The following VPS29 variants were observed in gnomAD, a reference collection of about 807,000 sequenced individuals.
The protein encoded by VPS29 is vacuolar protein sorting-associated protein 29.
A neutral mutation model predicts 20.0 loss-of-function variants in VPS29; 2 were observed. The ratio of observed to expected loss-of-function variants is 0.10; its 90% CI spans 0.04 to 0.31. VPS29 has a LOEUF of 0.31. Ranked by LOEUF, VPS29 falls within the 10% of genes least tolerant of loss-of-function variation. The pLI, the probability that VPS29 is intolerant of heterozygous loss-of-function variation, is 1.00. For synonymous variants in VPS29, 81 were observed against 79.3 expected (o/e 1.02, Z -0.12); for missense variants, 120 against 215.3 (o/e 0.56, Z 2.77).
chr12:110,494,355 C>G (rs1355363462), intron 2 of VPS29, among the ~76,000 whole-genome samples: 2 of 150,720 alleles, frequency 1.3e-5, no homozygotes, highest in Non-Finnish European at 3.0e-5. Flanking sequence ...CAGGTTCACG[C>G]CATTCTCCTG....
chr12:110,499,462 A>G, intron 1 of VPS29: 4 of 1,602,894 alleles, frequency 2.5e-6, no homozygotes, highest in Non-Finnish European at 3.4e-6. Flanking sequence ...CAGACCTTAA[A>G]AGGGTAAGAA....
At chr12:110,498,813 A>C (rs2062948303) in intron 1 of VPS29, 1 of 983,548 alleles carries the variant, frequency 1.0e-6, no homozygotes, top group South Asian at 4.7e-5. Flanking sequence ...AATCAACATA[A>C]AAGTACCTGG....
At position 110,497,868 on chromosome 12, in the gene VPS29, C is replaced by A. The variant is rs553463974; in HGVS notation, c.4-1665G>T. On this transcript the variant is annotated intron_variant, in intron 1 of 3. Coordinates refer to ENST00000549578, the MANE Select transcript of VPS29 (RefSeq NM_016226.5). ...AGCTGAGATGGCACTGGCACTGGCA[C>A]TGGATGCCACTGGCACTCCAGCCTG... Among the ~76,000 whole-genome samples the A allele has an allele frequency of 3.4e-4, 51 of 151,874 alleles. 1 individual carries two copies. Among genetic ancestry groups the A allele is most frequent in the African/African-American group, 1.1e-3 (47 of 41,408 alleles).
chr12:110,494,612 A>C (rs2062873333), intron 2 of VPS29, among the ~76,000 whole-genome samples: 1 of 152,050 alleles, frequency 6.6e-6, no homozygotes, highest in African/African-American at 2.4e-5. Context: ...CAATGTTGGC[A>C]CTGGCAGGGG....
At chr12:110,495,617 G>C (rs2062893704) in intron 2 of VPS29, among the ~76,000 whole-genome samples, 1 of 152,086 alleles carries the variant, frequency 6.6e-6, no homozygotes. Context: ...TTAGGCAGGA[G>C]AATCGGTTGA....
intron 1 of VPS29, chr12:110,499,564 G>C: frequency 6.3e-7 from 1 of 1,592,892 alleles, no homozygotes; most frequent in Non-Finnish European, 8.6e-7. Flanking sequence ...GAATGAAGAA[G>C]TTGATTGCAG....
At chr12:110,492,599 T>TTTA (rs1478773535) in intron 3 of VPS29, among the ~76,000 whole-genome samples, 3 of 132,364 alleles carry the variant, frequency 2.3e-5, no homozygotes, top group Middle Eastern at 3.7e-3. Flanking sequence ...TTTATTTTTA[T>TTTA]TTTATTTATT....
At position 110,492,996 on chromosome 12, in the gene VPS29, G is replaced by A. The variant is rs1473680313; in HGVS notation, c.431C>T (p.Thr144Ile). 1.1e-5 allele frequency: 17 copies of A among 1,608,108 alleles called. No homozygotes were observed. Among genetic ancestry groups the A allele is most frequent in the Middle Eastern group, 1.7e-4 (1 of 6,052 alleles). The change falls in exon 3 of 4, where the codon ACA becomes ATA. Residue 144 changes from threonine to isoleucine, a missense_variant and splice_region_variant. By Grantham distance (89) the Thr-to-Ile change is moderately conservative. Coordinates refer to ENST00000549578, the MANE Select transcript of VPS29 (RefSeq NM_016226.5). Reference sequence around the variant, plus strand: ...AATTCCCAAATTCTATACTACTCACGTTTCCAAGGCATTATATGCCCCAGT... The same window carrying A: ...AATTCCCAAATTCTATACTACTCACATTTCCAAGGCATTATATGCCCCAGT... ...SATGAYNALE[T>I]NIIPSFVLMD...
chr12:110,498,729 G>T, intron 1 of VPS29: 1 of 501,248 alleles, frequency 2.0e-6, no homozygotes, highest in Non-Finnish European at 2.6e-6. Context: ...TATATTAATT[G>T]TTTCAATGCA....
chr12:110,496,498 GT>G lies in VPS29; in HGVS notation c.4-296del, dbSNP rs1391014202. On this transcript the variant is annotated intron_variant, in intron 1 of 3. Transcript: ENST00000549578. ...ATCAATCTTATTTTGGTTGTAAACA[GT>G]TGCATATATAAAATACAGGTAATCA... 4.5e-5 allele frequency: 10 copies of G among 222,714 alleles called. No individual in the cohort carries two copies. In the East Asian group the frequency reaches 9.3e-4, roughly 21 times the overall value. 13.8% of individuals were successfully genotyped at this position (222,714 alleles called of 1,614,324 possible). A position where few individuals can be genotyped will look rare whatever the true frequency, so the allele number is the denominator to read the frequency against.
rs79751368 is a variant in VPS29, at chr12:110,498,678, C to T, written c.4-2475G>A. The T allele has an allele frequency of 8.1e-3, 1,724 of 213,466 alleles. 4 individuals carry two copies. Among genetic ancestry groups the T allele is most frequent in the Non-Finnish European group, 0.01 (1,297 of 124,314 alleles). 13.2% of individuals were successfully genotyped at this position (213,466 alleles called of 1,614,324 possible). ...TTTAAAATTGTTAAGTAAGATTCTTCTTTATAAAGACTAGTTTCAGCAGGT... is the reference window on the plus strand; with the variant it reads ...TTTAAAATTGTTAAGTAAGATTCTTTTTTATAAAGACTAGTTTCAGCAGGT... On this transcript the variant is annotated intron_variant, in intron 1 of 3. Coordinates refer to ENST00000549578, the MANE Select transcript of VPS29 (RefSeq NM_016226.5).
chr12:110,494,362 C>T (rs1313909476), intron 2 of VPS29, among the ~76,000 whole-genome samples: 1 of 150,602 alleles, frequency 6.6e-6, no homozygotes, highest in East Asian at 2.0e-4. Context: ...ACGCCATTCT[C>T]CTGCCTCAGC....
intron 3 of VPS29, among the ~76,000 whole-genome samples, chr12:110,492,603 A>T (rs1436929857): frequency 1.1e-4 from 3 of 26,832 alleles, no homozygotes; most frequent in African/African-American, 1.5e-4. Context: ...TTTTTATTTT[A>T]TTTATTTATT....
In VPS29 at chr12:110,502,040, A is replaced by C. The variant is rs201817853; in HGVS notation, c.3+9T>G. ...GCCAGGCCTTGGTCGCCGCAACTGC[A>C]GCCCTCACCATCCTGTCACCGGGCT... is the stretch of plus-strand genomic sequence containing the variant. On this transcript the variant is annotated intron_variant, in intron 1 of 3. Transcript: ENST00000549578. 351 of 1,612,820 alleles carry C rather than the reference A, an allele frequency of 2.2e-4. No individual in the cohort carries two copies. In the Middle Eastern group the frequency reaches 8.8e-3, roughly 40 times the overall value.
Position 110,491,781 on chromosome 12 carries a change from T to G in VPS29, c.*224A>C, listed in dbSNP as rs2062820735. 2.4e-6 allele frequency: 1 copy of G among 424,592 alleles called. No homozygotes were observed. Among genetic ancestry groups the G allele is most frequent in the Non-Finnish European group, 4.2e-6 (1 of 240,638 alleles). The allele number at this position is 424,592 out of a possible 1,614,324, so 26.3% of individuals were successfully genotyped here. On this transcript the variant is annotated 3_prime_UTR_variant, in exon 4 of 4. Transcript: ENST00000549578. ...TTTTTCTTAACAAGTGACCAATTAC[T>G]GTGTTGTGGACATTTTTTCATAGAA...
chr12:110,501,778 C>A, intron 1 of VPS29: 1 of 1,076,304 alleles, frequency 9.3e-7, no homozygotes, highest in Non-Finnish European at 1.4e-6. Flanking sequence ...TGTCTCGTGA[C>A]AGGTCGGGCT....
intron 1 of VPS29, among the ~76,000 whole-genome samples, chr12:110,497,541 G>C (rs181492970): frequency 6.5e-4 from 99 of 151,958 alleles, no homozygotes; most frequent in Non-Finnish European, 1.1e-3. Context: ...CAAGATTTGA[G>C]AAACAACATT....
intron 1 of VPS29, among the ~76,000 whole-genome samples, chr12:110,500,945 C>A (rs929917894): frequency 2.0e-5 from 3 of 151,976 alleles, no homozygotes; most frequent in African/African-American, 7.3e-5. Context: ...TTTGGGAGGC[C>A]GAGGCGGGTG....
In VPS29 at chr12:110,497,508, C is replaced by T. The variant is rs1259474896; in HGVS notation, c.4-1305G>A. Among the ~76,000 whole-genome samples, 7 of 151,858 alleles carry T rather than the reference C, an allele frequency of 4.6e-5. No individual in the cohort carries two copies. In the East Asian group the frequency reaches 7.7e-4, roughly 17 times the overall value. On this transcript the variant is annotated intron_variant, in intron 1 of 3. Transcript: ENST00000549578. Reference sequence around the variant, plus strand: ...CTAGGATTACAGGCATGAGTCACCACGCCTGGCCTAATTTAAAAATTTCAA... The same window carrying T: ...CTAGGATTACAGGCATGAGTCACCATGCCTGGCCTAATTTAAAAATTTCAA...
Sources: gnomAD v4.1 joint callset for allele counts (sites outside exome capture counted in the v4.1 genomes callset) on GRCh38, gnomAD v4.1.1 for gene constraint, MANE v1.5 for transcripts, NCBI Gene and HGNC (gene_info 2026-07-23, HGNC 2026-07-21) for gene names.